The following RAD51B variants were observed in gnomAD, a reference collection of about 807,000 sequenced individuals.
The protein encoded by RAD51B is RAD51 paralog B.
Under a neutral mutation model 42.2 loss-of-function variants are expected in RAD51B, and 38 were observed. The observed-to-expected ratio is 0.90, with a 90% CI of 0.70 to 1.18. The LOEUF is 1.18. Among genes scored for constraint, RAD51B ranks in the 50% most tolerant of loss-of-function variants. RAD51B has a pLI of 0.00. For synonymous variants in RAD51B, 154 were observed against 145.2 expected, an observed-to-expected ratio of 1.06 and a Z score of -0.43; for missense variants, 373 against 400.7, an observed-to-expected ratio of 0.93 and a Z score of 0.59.
intron 10 of RAD51B, chr14:68,540,196 A>G (rs2525523): frequency 0.18 from 159,615 of 882,034 alleles, 20,295 homozygotes; most frequent in South Asian, 0.27. Flanking sequence ...TTTTTTAAAT[A>G]CAGGATCTAG....
chr14:68,433,146 G>C (rs1404299960), intron 9 of RAD51B, among the ~76,000 whole-genome samples: 1 of 152,128 alleles, frequency 6.6e-6, no homozygotes, highest in Non-Finnish European at 1.5e-5. Flanking sequence ...TCCCTTTGTG[G>C]GTAACCTGAC....
intron 10 of RAD51B, among the ~76,000 whole-genome samples, chr14:68,509,958 C>T (rs1175419535): frequency 6.6e-6 from 1 of 152,216 alleles, no homozygotes; most frequent in African/African-American, 2.4e-5. Flanking sequence ...GAGTAGAGGC[C>T]TCTGATAGTC....
At chr14:68,300,948 G>T (rs1347317736) in intron 8 of RAD51B, among the ~76,000 whole-genome samples, 1 of 152,158 alleles carries the variant, frequency 6.6e-6, no homozygotes, top group African/African-American at 2.4e-5. Context: ...GTGTCTGTTA[G>T]TTACATCCTT....
At chr14:67,914,384 C>T (rs979234134) in intron 7 of RAD51B, among the ~76,000 whole-genome samples, 1 of 152,132 alleles carries the variant, frequency 6.6e-6, no homozygotes, top group Admixed American at 6.6e-5. Flanking sequence ...TCAGTTCCAT[C>T]CATGTTGTTG....
chr14:68,045,169 G>C (rs1283237986), intron 7 of RAD51B, among the ~76,000 whole-genome samples: 1 of 140,686 alleles, frequency 7.1e-6, no homozygotes, highest in African/African-American at 2.7e-5. Context: ...CTGGGAGGCA[G>C]AGGTTGTAGT....
intron 7 of RAD51B, among the ~76,000 whole-genome samples, chr14:68,044,070 T>C (rs1034915643): frequency 2.0e-5 from 3 of 152,232 alleles, no homozygotes; most frequent in Admixed American, 2.0e-4. Flanking sequence ...TTTTTTCTTG[T>C]CTACTGTCAG....
At chr14:68,202,551 G>A (rs974428805) in intron 7 of RAD51B, among the ~76,000 whole-genome samples, 3 of 117,076 alleles carry the variant, frequency 2.6e-5, no homozygotes, top group Non-Finnish European at 5.4e-5. Context: ...TACTTTCTTT[G>A]TTCATTCATA....
chr14:68,466,037 T>C (rs1168415522), intron 9 of RAD51B, among the ~76,000 whole-genome samples: 1 of 152,076 alleles, frequency 6.6e-6, no homozygotes, highest in Admixed American at 6.5e-5. Context: ...CAGAAAGCAA[T>C]CTACCTTAAT....
At chr14:68,561,199 G>T (rs144137155) in intron 10 of RAD51B, among the ~76,000 whole-genome samples, 15 of 152,164 alleles carry the variant, frequency 9.9e-5, no homozygotes, top group Admixed American at 4.6e-4. Context: ...CATGGTGCCC[G>T]CTTCCACAAC....
chr14:68,563,219 G>T (rs1368114941), intron 10 of RAD51B: 1 of 985,352 alleles, frequency 1.0e-6, no homozygotes, highest in Non-Finnish European at 1.2e-6. Context: ...TTTCTCCTCC[G>T]TCTCTCATTG....
At chr14:68,275,841 C>CACACACACACACA (rs1595645362) in intron 7 of RAD51B, among the ~76,000 whole-genome samples, 1 of 147,294 alleles carries the variant, frequency 6.8e-6, no homozygotes, top group Non-Finnish European at 1.5e-5. Context: ...CACACACACA[C>CACACACACACACA]CCTTGAATTC....
intron 8 of RAD51B, among the ~76,000 whole-genome samples, chr14:68,315,570 G>A (rs989518684): frequency 4.6e-5 from 7 of 151,968 alleles, no homozygotes; most frequent in Non-Finnish European, 1.0e-4. Context: ...CACCCAGGCT[G>A]GAGTGCAGTG....
intron 8 of RAD51B, among the ~76,000 whole-genome samples, chr14:68,315,806 A>G (rs531789193): frequency 7.7e-4 from 117 of 152,272 alleles, no homozygotes; most frequent in Middle Eastern, 3.4e-3. Context: ...ACAGGCGTGA[A>G]CCACTGCACC....
intron 8 of RAD51B, among the ~76,000 whole-genome samples, chr14:68,322,208 G>A (rs1458305017): frequency 6.6e-6 from 1 of 152,196 alleles, no homozygotes; most frequent in East Asian, 1.9e-4. Context: ...AACTATGTTC[G>A]ACTTCTGTAT....
intron 9 of RAD51B, among the ~76,000 whole-genome samples, chr14:68,434,964 A>G (rs1170569963): frequency 6.6e-6 from 1 of 152,216 alleles, no homozygotes; most frequent in Non-Finnish European, 1.5e-5. Flanking sequence ...ATTGTAAATA[A>G]TGCTACAATG....
In RAD51B at chr14:68,154,268, G is replaced by A. The variant is rs559053631; in HGVS notation, c.757-137616G>A. ...ACATCCTTTTGGATCTTGCTTTCAG[G>A]ATTTGTTTTGGCAGAACTATTTAAT... On this transcript the variant is annotated intron_variant, in intron 7 of 10. Transcript: ENST00000471583. Among the ~76,000 whole-genome samples, 11 of 152,270 alleles carry A rather than the reference G, an allele frequency of 7.2e-5. No homozygotes were observed. The South Asian group carries it at 8.3e-4, about 11-fold the overall frequency.
intron 9 of RAD51B, among the ~76,000 whole-genome samples, chr14:68,426,666 G>T (rs2084859090): frequency 6.6e-6 from 1 of 152,146 alleles, no homozygotes; most frequent in South Asian, 2.1e-4. Context: ...GGATCTGAAG[G>T]ATTCTCAGCC....
intron 9 of RAD51B, among the ~76,000 whole-genome samples, chr14:68,458,379 A>G (rs1029508136): frequency 2.0e-5 from 3 of 152,228 alleles, no homozygotes; most frequent in Non-Finnish European, 2.9e-5. Flanking sequence ...AAAAAACCGT[A>G]AACTCAAAAT....
chr14:68,195,108 G>A (rs2079342904), intron 7 of RAD51B, among the ~76,000 whole-genome samples: 1 of 152,050 alleles, frequency 6.6e-6, no homozygotes, highest in Admixed American at 6.6e-5. Flanking sequence ...GGAAACCAAG[G>A]GGGAAAAAGT....
Sources: allele counts gnomAD v4.1 joint callset (sites outside exome capture counted in the v4.1 genomes callset), GRCh38; gene constraint gnomAD v4.1.1; transcripts MANE v1.5; gene names NCBI Gene and HGNC (gene_info 2026-07-23, HGNC 2026-07-21).